Variants in TNS3 observed in about 807,000 individuals in gnomAD.
TNS3 encodes tensin 3.
A neutral mutation model predicts 140.9 loss-of-function variants in TNS3; 45 were observed. The observed-to-expected ratio is 0.32, with a 90% CI of 0.25 to 0.41. TNS3 has a LOEUF of 0.41. Ranked by LOEUF, TNS3 falls within the 10% of genes least tolerant of loss-of-function variation. The pLI is 1.00. For missense variants in TNS3, 1,716 were observed against 1,906.7 expected (o/e 0.90, Z 1.86); for synonymous variants, 815 against 788.4 (o/e 1.03, Z -0.56).
intron 20 of TNS3, among the ~76,000 whole-genome samples, chr7:47,329,208 A>T (rs1041614444): frequency 6.6e-6 from 1 of 152,052 alleles, no homozygotes; most frequent in African/African-American, 2.4e-5. Flanking sequence ...TCACAAGGGG[A>T]AGCACAGAAC....
chr7:47,304,008 G>C (rs865938883), intron 21 of TNS3, among the ~76,000 whole-genome samples: 1 of 152,148 alleles, frequency 6.6e-6, no homozygotes, highest in Non-Finnish European at 1.5e-5. Context: ...GTGTGCCCTC[G>C]GGAGTAGAAA....
chr7:47,322,631 A>G (rs1448554186), intron 20 of TNS3, among the ~76,000 whole-genome samples: 3 of 152,186 alleles, frequency 2.0e-5, no homozygotes, highest in Non-Finnish European at 4.4e-5. Flanking sequence ...TAGAAAAAGA[A>G]AAAAGAAAAT....
At position 47,280,187 on chromosome 7, in the gene TNS3, C is replaced by T. The variant is rs1048701977; in HGVS notation, c.4170G>A (p.Trp1390Ter). The stretch of plus-strand genomic sequence containing the variant: ...ACTTTGAGGAAGGGCCATCTTTGAT[C>T]CACCTTGCAAATTAAAGAGAAAAAC... ...FCALDPQDRK[W>*]IKDGPSSKVF... The change falls in exon 30 of 31, where the codon TGG (tryptophan) becomes TGA (stop). Residue 1390 changes from tryptophan to a stop codon, truncating the protein, a stop_gained. Transcript: ENST00000311160. LOFTEE classifies it high-confidence loss of function. 1 of 1,614,108 alleles carries T rather than the reference C, an allele frequency of 6.2e-7. No individual in the cohort carries two copies. The highest frequency in any genetic ancestry group is 8.5e-7 in the Non-Finnish European group (1 of 1,180,016).
At chr7:47,307,752 G>A (rs1015917899) in intron 20 of TNS3, among the ~76,000 whole-genome samples, 1 of 151,902 alleles carries the variant, frequency 6.6e-6, no homozygotes, top group Non-Finnish European at 1.5e-5. Flanking sequence ...TGTGTTCTCT[G>A]GTAAAATGTT....
rs1785045823 is a variant in TNS3, at chr7:47,279,791, T to A, written c.4193+373A>T. ...CCTCCTCCGTTGCATTTGGTAAATTTGGAACACCCGCTTCATCCACACACC... is the reference window on the plus strand; with the variant it reads ...CCTCCTCCGTTGCATTTGGTAAATTAGGAACACCCGCTTCATCCACACACC... On this transcript the variant is annotated intron_variant, in intron 30 of 30. Transcript: ENST00000311160. 1.9e-5 allele frequency: 5 copies of A among 259,338 alleles called. No individual in the cohort carries two copies. The South Asian group carries it at 3.0e-4, about 15-fold the overall frequency. The allele number at this position is 259,338 out of a possible 1,614,324, so 16.1% of individuals were successfully genotyped here.
In TNS3 at chr7:47,382,256, G is replaced by A. The variant is rs1011479591; in HGVS notation, c.1025-12635C>T. Among the ~76,000 whole-genome samples the A allele has an allele frequency of 3.9e-5, 6 of 152,260 alleles. No homozygotes were observed. The South Asian group carries it at 6.2e-4, about 16-fold the overall frequency. On this transcript the variant is annotated intron_variant, in intron 16 of 30. Transcript: ENST00000311160. ...GTGGGGTTGGGGTTTTTGTTGTTTT[G>A]TTTTTCGGTGGCTGAGGGCAAATTT...
chr7:47,324,865 C>T (rs545353266), intron 20 of TNS3, among the ~76,000 whole-genome samples: 35 of 152,236 alleles, frequency 2.3e-4, no homozygotes, highest in African/African-American at 5.1e-4. Context: ...AAATAGTCTG[C>T]GCATAACTGT....
chr7:47,528,412 G>C (rs1294855855), intron 2 of TNS3, among the ~76,000 whole-genome samples: 1 of 152,130 alleles, frequency 6.6e-6, no homozygotes, highest in Non-Finnish European at 1.5e-5. Flanking sequence ...ATGCCAAAGA[G>C]CAGCCCCCGC....
At chr7:47,461,765 A>G (rs1002890927) in intron 4 of TNS3, among the ~76,000 whole-genome samples, 7 of 152,268 alleles carry the variant, frequency 4.6e-5, no homozygotes, top group Admixed American at 1.3e-4. Flanking sequence ...ATGAAATGTG[A>G]GCAAAAAAGG....
chr7:47,380,052 G>A (rs112203402), intron 16 of TNS3, among the ~76,000 whole-genome samples: 2,000 of 152,384 alleles, frequency 0.013, 20 homozygotes, highest in Non-Finnish European at 0.019. Flanking sequence ...GAGCAGGAGC[G>A]ACTCAGGAGC....
At chr7:47,333,663 T>G (rs1046718751) in intron 20 of TNS3, among the ~76,000 whole-genome samples, 47 of 152,272 alleles carry the variant, frequency 3.1e-4, no homozygotes, top group African/African-American at 1.1e-3. Context: ...GGTAAAAGCA[T>G]TGTATCTGTC....
In TNS3 at chr7:47,564,649, AC is replaced by A. The variant is rs1562859353; in HGVS notation, c.-265+17401del. Among the ~76,000 whole-genome samples the A allele has an allele frequency of 6.0e-3, 284 of 47,104 alleles. 10 individuals are homozygous for A. Among genetic ancestry groups the A allele is most frequent in the Non-Finnish European group, 7.7e-3 (169 of 22,066 alleles). 30.9% of individuals were successfully genotyped at this position (47,104 alleles called of 152,430 possible). On this transcript the variant is annotated intron_variant, in intron 1 of 30. Coordinates refer to ENST00000311160, the MANE Select transcript of TNS3 (RefSeq NM_022748.12). ...AGACTCCGTCTCAAAAAAAAAAAAA[AC>A]AAAAAAAAACAAAAAAAGACTGCAA...
In TNS3 at chr7:47,344,712, G is replaced by A. The variant is rs746827494; in HGVS notation, c.2650+43C>T. 4.5e-6 allele frequency: 7 copies of A among 1,571,340 alleles called. No individual in the cohort carries two copies. The Admixed American group carries it at 6.9e-5, about 16-fold the overall frequency. On this transcript the variant is annotated intron_variant, in intron 20 of 30. Coordinates refer to ENST00000311160, the MANE Select transcript of TNS3 (RefSeq NM_022748.12). ...AAAAATGGCGACCCCGCGATGCAGC[G>A]CCTGAGTGCCGCGCGCCTGTGACCC...
At chr7:47,328,627 C>A (rs948477647) in intron 20 of TNS3, among the ~76,000 whole-genome samples, 204 of 152,286 alleles carry the variant, frequency 1.3e-3, no homozygotes, top group African/African-American at 4.2e-3. Context: ...CAGTCCTCTG[C>A]CCCCCACCCC....
chr7:47,362,058 GCAGGCTGAAAC>G (rs1790366192), intron 17 of TNS3, among the ~76,000 whole-genome samples: 1 of 152,178 alleles, frequency 6.6e-6, no homozygotes, highest in African/African-American at 2.4e-5. Flanking sequence ...CCCACCACGT[GCAGGCTGAAAC>G]CAGGCTGAGA....
Position 47,439,472 on chromosome 7 carries a change from C to A in TNS3, c.150+15G>T. On this transcript the variant is annotated intron_variant, in intron 6 of 30. Transcript: ENST00000311160. Reference sequence around the variant, plus strand: ...AGAGCCTGCCCAAAGGCTCCCAGAGCCGCCCACCGCTCACCAGGTAGTTGT... The same window carrying A: ...AGAGCCTGCCCAAAGGCTCCCAGAGACGCCCACCGCTCACCAGGTAGTTGT... The A allele has an allele frequency of 1.9e-6, 3 of 1,612,416 alleles. No homozygotes were observed. The highest frequency in any genetic ancestry group is 1.7e-6 in the Non-Finnish European group (2 of 1,179,332).
chr7:47,576,036 C>A (rs1370372556), intron 1 of TNS3, among the ~76,000 whole-genome samples: 2 of 152,066 alleles, frequency 1.3e-5, no homozygotes, highest in East Asian at 3.9e-4. Context: ...CCTGTCCACC[C>A]GGCTCTGCAG....
intron 17 of TNS3, among the ~76,000 whole-genome samples, chr7:47,366,533 T>C (rs1214250023): frequency 6.6e-6 from 1 of 152,140 alleles, no homozygotes; most frequent in East Asian, 1.9e-4. Flanking sequence ...CTTTACCCAC[T>C]TGCATCACTC....
At chr7:47,423,121 T>A (rs1794466633) in intron 10 of TNS3, among the ~76,000 whole-genome samples, 1 of 152,238 alleles carries the variant, frequency 6.6e-6, no homozygotes, top group South Asian at 2.1e-4. Flanking sequence ...CCCCCATGTC[T>A]GCTGACATAG....
Sources: gnomAD v4.1 joint callset for allele counts (sites outside exome capture counted in the v4.1 genomes callset) on GRCh38, gnomAD v4.1.1 for gene constraint, MANE v1.5 for transcripts, NCBI Gene and HGNC (gene_info 2026-07-23, HGNC 2026-07-21) for gene names.